The following COL4A6 variants were observed in gnomAD, a reference collection of about 807,000 sequenced individuals.
COL4A6 encodes the protein collagen alpha-6(IV) chain.
Under a neutral mutation model 126.7 loss-of-function variants are expected in COL4A6, and 59 were observed. That is an observed-to-expected ratio of 0.47 (90% confidence interval 0.38 to 0.58). The LOEUF is 0.58. COL4A6 is among the 20% of genes least tolerant of loss of function. The pLI is 0.00. For missense variants in COL4A6, 1,285 were observed against 1,337.3 expected, an observed-to-expected ratio of 0.96 and a Z score of 0.61; for synonymous variants, 547 against 496.6, an observed-to-expected ratio of 1.10 and a Z score of -1.35.
intron 2 of COL4A6, among the ~76,000 whole-genome samples, chrX:108,402,615 A>G (rs1386428921): frequency 9.0e-6 from 1 of 111,304 alleles, no homozygotes; most frequent in Admixed American, 9.6e-5. Flanking sequence ...TAAGAATTGA[A>G]TAACATACAT....
At position 108,165,467 on chromosome X, in the gene COL4A6, G is replaced by A. The variant is rs1341591580; in HGVS notation, c.3711C>T (p.Gly1237=). Residue 1237 remains glycine (G), a synonymous_variant, in exon 38 of 45, where the codon GGC becomes GGT. Coordinates refer to ENST00000334504, the MANE Select transcript of COL4A6 (RefSeq NM_033641.4). Reference sequence around the variant, plus strand: ...CTGGGGCACCGGGGAGACCAGCAGGGCCCTGGAGACCTGGGAAACCTGTAA... The same window carrying A: ...CTGGGGCACCGGGGAGACCAGCAGGACCCTGGAGACCTGGGAAACCTGTAA... ...KGDRGFPGLQ[G]PAGLPGAPGI... is the part of the protein sequence containing the mutation. 1 of 1,181,986 alleles carries A rather than the reference G, an allele frequency of 8.5e-7. No individual in the cohort carries two copies. The highest frequency in any genetic ancestry group is 1.1e-6 in the Non-Finnish European group (1 of 883,013).
chrX:108,383,712 T>C (rs1204146965), intron 2 of COL4A6: 3 of 505,769 alleles, frequency 5.9e-6, no homozygotes, highest in Admixed American at 2.8e-5. Context: ...ACTTTACTAG[T>C]TGGAGATATA....
intron 3 of COL4A6, among the ~76,000 whole-genome samples, chrX:108,310,440 C>T (rs984535722): frequency 8.9e-6 from 1 of 111,894 alleles, no homozygotes; most frequent in Non-Finnish European, 1.9e-5. Context: ...AAAATGTACA[C>T]TTATCTACAA....
chrX:108,220,921 T>C (rs947294341), intron 4 of COL4A6, among the ~76,000 whole-genome samples: 1 of 111,953 alleles, frequency 8.9e-6, no homozygotes, highest in African/African-American at 3.3e-5. Flanking sequence ...CTGGCCAACA[T>C]GGTGAAACTC....
At chrX:108,386,701 C>A (rs2040705124) in intron 2 of COL4A6, among the ~76,000 whole-genome samples, 1 of 111,739 alleles carries the variant, frequency 8.9e-6, no homozygotes, top group South Asian at 3.7e-4. Context: ...TTTTGCTGTG[C>A]AGAAGCTCTT....
chrX:108,306,971 C>T lies in COL4A6; in HGVS notation c.144+3777G>A, dbSNP rs763023378. ...CTAGGCTCAGAAGAAAACAAACTGC[C>T]CCCTCCTCCCAACCCCAACTTCAGA... is the stretch of plus-strand genomic sequence containing the variant. On this transcript the variant is annotated intron_variant, in intron 3 of 44. Coordinates refer to ENST00000334504, the MANE Select transcript of COL4A6 (RefSeq NM_033641.4). Among the ~76,000 whole-genome samples, 9 of 109,519 alleles carry T rather than the reference C, an allele frequency of 8.2e-5. No homozygotes were observed. The South Asian group carries it at 3.3e-3, about 40-fold the overall frequency.
At chrX:108,340,838 T>TGGGGGGG (rs11347372) in intron 2 of COL4A6, among the ~76,000 whole-genome samples, 1 of 63,104 alleles carries the variant, frequency 1.6e-5, no homozygotes, top group Non-Finnish European at 2.9e-5. Context: ...ACTAGTGGGG[T>TGGGGGGG]GGGGGGGGGG....
At chrX:108,219,780 T>C (rs991410525) in intron 4 of COL4A6, 38 bp from the exon 5 acceptor site, 12 of 1,113,840 alleles carry the variant, frequency 1.1e-5, no homozygotes, top group Admixed American at 4.4e-5. Flanking sequence ...TAAGACACAA[T>C]CCAACTGATG....
intron 2 of COL4A6, among the ~76,000 whole-genome samples, chrX:108,351,820 C>T (rs2039854664): frequency 1.8e-5 from 2 of 111,391 alleles, no homozygotes; most frequent in African/African-American, 6.5e-5. Flanking sequence ...CAGCAAGAAA[C>T]ATAAATTAAA....
chrX:108,330,623 T>C (rs1327275295), intron 2 of COL4A6, among the ~76,000 whole-genome samples: 1 of 111,262 alleles, frequency 9.0e-6, no homozygotes, highest in Non-Finnish European at 1.9e-5. Flanking sequence ...GACAGGTAAC[T>C]GCCACCAGCC....
At position 108,241,668 on chromosome X, in the gene COL4A6, G is replaced by A. The variant is rs768033212; in HGVS notation, c.145-20294C>T. On this transcript the variant is annotated intron_variant, in intron 3 of 44. Transcript: ENST00000334504. The stretch of plus-strand genomic sequence containing the variant: ...GCACCTTAGCTACCATCATTTCTAA[G>A]GAGCTGAACCTGGAAGCTCTGGAGA... Among the ~76,000 whole-genome samples, 420 of 106,891 alleles carry A rather than the reference G, an allele frequency of 3.9e-3. 1 individual carries two copies. Among genetic ancestry groups the A allele is most frequent in the African/African-American group, 0.014 (404 of 29,496 alleles). The allele number at this position is 106,891 out of a possible 115,157, so 92.8% of individuals were successfully genotyped here.
At chrX:108,197,184 C>T (rs1436794754) in intron 13 of COL4A6, among the ~76,000 whole-genome samples, 1 of 111,963 alleles carries the variant, frequency 8.9e-6, no homozygotes, top group Non-Finnish European at 1.9e-5. Flanking sequence ...GGGCTCTTGC[C>T]TGGCCCTAGA....
chrX:108,202,615 G>A (rs2035418030), intron 13 of COL4A6, among the ~76,000 whole-genome samples: 1 of 111,542 alleles, frequency 9.0e-6, no homozygotes, highest in Non-Finnish European at 1.9e-5. Context: ...AGGAAACTGA[G>A]GCTCAGAAAA....
chrX:108,258,489 T>G (rs1293095009), intron 3 of COL4A6, among the ~76,000 whole-genome samples: 2 of 112,059 alleles, frequency 1.8e-5, no homozygotes, highest in Non-Finnish European at 3.8e-5. Context: ...ACATTGAAAT[T>G]TAGTTTACTT....
At chrX:108,222,578 T>C (rs1436396159) in intron 3 of COL4A6, among the ~76,000 whole-genome samples, 6 of 111,726 alleles carry the variant, frequency 5.4e-5, no homozygotes, top group Non-Finnish European at 1.1e-4. Context: ...GAGTATAATT[T>C]TGAGTGTCAA....
rs145234413 is a variant in COL4A6 at position 108,202,500 on chromosome X, C to G, written c.834+428G>C. Among the ~76,000 whole-genome samples, 449 of 111,908 alleles carry G rather than the reference C, an allele frequency of 4.0e-3. 6 individuals are homozygous for G. The highest frequency in any genetic ancestry group is 0.014 in the African/African-American group (421 of 30,858). ...AGGTAGGATTACTAAGATTAGCTAC[C>G]ATTAACTGAATAATAAGTGCTAGAC... On this transcript the variant is annotated intron_variant, in intron 13 of 44. Coordinates refer to ENST00000334504, the MANE Select transcript of COL4A6 (RefSeq NM_033641.4).
intron 30 of COL4A6, 143 bp downstream of exon 30, chrX:108,174,947 T>G (rs1283144685): frequency 1.2e-6 from 1 of 807,488 alleles, no homozygotes; most frequent in Non-Finnish European, 1.7e-6. Flanking sequence ...GCAGCCTTCT[T>G]GGATTCCTTG....
Position 108,195,211 on chromosome X carries a change from T to C in COL4A6, c.904-85A>G. 3 of 737,299 alleles carry C rather than the reference T, an allele frequency of 4.1e-6. No homozygotes were observed. In the South Asian group the frequency reaches 7.7e-5, roughly 19 times the overall value. The allele number at this position is 737,299 out of a possible 1,213,427, so 60.8% of individuals were successfully genotyped here. On this transcript the variant is annotated intron_variant, in intron 14 of 44. Coordinates refer to ENST00000334504, the MANE Select transcript of COL4A6 (RefSeq NM_033641.4). ...GACTTATATAACAAAGTTATCCAAC[T>C]GAGTTCAGGATTTAGCAGCTCCTAA... is the stretch of plus-strand genomic sequence containing the variant.
chrX:108,161,709 CG>C lies in COL4A6; in HGVS notation c.4242del (p.Gly1415ValfsTer49). The C allele has an allele frequency of 8.3e-7, 1 of 1,204,560 alleles. No individual in the cohort carries two copies. Among genetic ancestry groups the C allele is most frequent in the Non-Finnish European group, 1.1e-6 (1 of 890,402 alleles). ...LQGSKGLPGI[P>X]GKDGPSGLPG... ...GGGAGCCCACTGGGGCCATCTTTACCGGGGATGCCAGGTAAACCTTTGGAGC... is the reference window on the plus strand; with the variant it reads ...GGGAGCCCACTGGGGCCATCTTTACCGGGATGCCAGGTAAACCTTTGGAGC... On this transcript the variant is annotated frameshift_variant, in exon 42 of 45. Transcript: ENST00000334504. LOFTEE classifies it high-confidence loss of function.
Sources: gnomAD v4.1 joint callset for allele counts (sites outside exome capture counted in the v4.1 genomes callset) on GRCh38, gnomAD v4.1.1 for gene constraint, MANE v1.5 for transcripts, NCBI Gene and HGNC (gene_info 2026-07-23, HGNC 2026-07-21) for gene names.